EMSY: variants seen among roughly 807,000 people sequenced by gnomAD.
EMSY encodes EMSY transcriptional repressor, BRCA2 interacting.
In EMSY, 26 loss-of-function variants were observed where a neutral mutation model predicts 134.6. The observed-to-expected ratio is 0.19, with a 90% CI of 0.14 to 0.27. EMSY has a LOEUF of 0.27. EMSY is among the 10% of genes least tolerant of loss of function. The pLI, the probability that EMSY is intolerant of heterozygous loss-of-function variation, is 1.00. For missense variants in EMSY, 1,305 were observed against 1,611.4 expected, an observed-to-expected ratio of 0.81 and a Z score of 3.26; for synonymous variants, 579 against 577.8, an observed-to-expected ratio of 1.00 and a Z score of -0.03.
At chr11:76,505,928 C>A (rs1950058998) in intron 9 of EMSY, among the ~76,000 whole-genome samples, 1 of 151,846 alleles carries the variant, frequency 6.6e-6, no homozygotes, top group Non-Finnish European at 1.5e-5. Context: ...CTTTGGTAGG[C>A]CAAGGCGAGA....
At chr11:76,540,943 G>A (rs1324163738) in intron 17 of EMSY, among the ~76,000 whole-genome samples, 2 of 152,212 alleles carry the variant, frequency 1.3e-5, no homozygotes, top group African/African-American at 4.8e-5. Context: ...TTGAAGTTGA[G>A]GCCAAGTGTG....
At chr11:76,537,645 G>A (rs547502639) in intron 15 of EMSY, 150 bp from the exon 17 acceptor site, 1 of 644,516 alleles carries the variant, frequency 1.6e-6, no homozygotes, top group Non-Finnish European at 2.6e-6. Flanking sequence ...GCCATACATA[G>A]CAATCTGCTT....
At chr11:76,501,434 A>G (rs1949852956) in intron 9 of EMSY, among the ~76,000 whole-genome samples, 1 of 152,206 alleles carries the variant, frequency 6.6e-6, no homozygotes, top group African/African-American at 2.4e-5. Context: ...TTATAGAAGT[A>G]AAAGAGGCTA....
chr11:76,528,596 T>A, intron 14 of EMSY, 130 bp downstream of exon 15: 1 of 646,068 alleles, frequency 1.5e-6, no homozygotes, highest in Non-Finnish European at 2.5e-6. Context: ...TTTTTTTTTT[T>A]TTTTTTTATT....
At chr11:76,533,335 G>A (rs1424166771) in intron 14 of EMSY, among the ~76,000 whole-genome samples, 1 of 152,102 alleles carries the variant, frequency 6.6e-6, no homozygotes, top group African/African-American at 2.4e-5. Context: ...GTGGATTAAG[G>A]AAAAGAATTG....
At chr11:76,484,296 C>T (rs1279303641) in intron 8 of EMSY, among the ~76,000 whole-genome samples, 1 of 152,164 alleles carries the variant, frequency 6.6e-6, no homozygotes, top group Non-Finnish European at 1.5e-5. Context: ...CAGGAGAAAG[C>T]AGGAAAGATC....
intron 9 of EMSY, among the ~76,000 whole-genome samples, chr11:76,509,488 G>A (rs141022664): frequency 0.012 from 1,869 of 152,114 alleles, 30 homozygotes; most frequent in African/African-American, 0.041. Flanking sequence ...GCGAGACTCC[G>A]TCTCAAAAAA....
At chr11:76,546,005 C>A (rs752157171) in exon 20 of EMSY, 40 of 1,614,026 alleles carry the variant, frequency 2.5e-5, no homozygotes, top group Non-Finnish European at 3.3e-5. Flanking sequence ...CAGATTGATA[C>A]AAATGTAGAA....
intron 8 of EMSY, among the ~76,000 whole-genome samples, chr11:76,473,352 G>A (rs970568704): frequency 5.9e-5 from 9 of 151,352 alleles, no homozygotes; most frequent in Non-Finnish European, 1.3e-4. Flanking sequence ...TGTCACCCAG[G>A]CTGGAGTGCA....
chr11:76,540,561 A>G (rs1004882654), intron 17 of EMSY, among the ~76,000 whole-genome samples: 3 of 152,258 alleles, frequency 2.0e-5, no homozygotes, highest in African/African-American at 7.2e-5. Flanking sequence ...TATGTATAGC[A>G]ACAATAGAAA....
At chr11:76,543,691 C>T (rs189530852) in intron 18 of EMSY, among the ~76,000 whole-genome samples, 395 of 152,254 alleles carry the variant, frequency 2.6e-3, no homozygotes, top group African/African-American at 9.1e-3. Flanking sequence ...AGCAAAGGGG[C>T]GAGGAATGCT....
At chr11:76,447,823 G>A (rs1271624766) in intron 2 of EMSY, among the ~76,000 whole-genome samples, 1 of 152,048 alleles carries the variant, frequency 6.6e-6, no homozygotes, top group East Asian at 1.9e-4. Context: ...TAGACTATGA[G>A]GACCTTGTCT....
chr11:76,473,515 C>T (rs1321299823), intron 8 of EMSY, among the ~76,000 whole-genome samples: 1 of 151,696 alleles, frequency 6.6e-6, no homozygotes, highest in Non-Finnish European at 1.5e-5. Flanking sequence ...CACCATGTTG[C>T]CCAGGCTGGT....
chr11:76,550,139 G>T (rs756214992), exon 21 of EMSY: 1 of 1,609,856 alleles, frequency 6.2e-7, no homozygotes, highest in Admixed American at 1.7e-5. Flanking sequence ...TCTGCTGAAC[G>T]GTCCTAGTGT....
intron 2 of EMSY, among the ~76,000 whole-genome samples, chr11:76,447,522 T>C (rs776848175): frequency 6.6e-6 from 1 of 152,238 alleles, no homozygotes; most frequent in Non-Finnish European, 1.5e-5. Flanking sequence ...TAAGCCATGC[T>C]CACTTTTTCA....
intron 9 of EMSY, among the ~76,000 whole-genome samples, chr11:76,503,788 T>C (rs1358468618): frequency 1.3e-5 from 2 of 152,140 alleles, no homozygotes; most frequent in Admixed American, 6.5e-5. Context: ...TTCAATTTAA[T>C]TTATTTATTT....
At chr11:76,488,387 A>G (rs1023154847) in intron 8 of EMSY, among the ~76,000 whole-genome samples, 6 of 152,188 alleles carry the variant, frequency 3.9e-5, no homozygotes, top group Non-Finnish European at 8.8e-5. Context: ...GGATTGCTTG[A>G]GCCCAGGATT....
At chr11:76,548,711 G>A (rs1685755602) in intron 20 of EMSY, among the ~76,000 whole-genome samples, 1 of 152,190 alleles carries the variant, frequency 6.6e-6, no homozygotes, top group African/African-American at 2.4e-5. Context: ...GAAAAAAGAA[G>A]CAGAAACAAA....
At chr11:76,523,704 C>CTTATTTTTTTTTT (rs1950731372) in intron 12 of EMSY, among the ~76,000 whole-genome samples, 1 of 80,536 alleles carries the variant, frequency 1.2e-5, no homozygotes, top group African/African-American at 5.2e-5. Context: ...TTGTTACTTT[C>CTTATTTTTTTTTT]TTTTTTTTTT....
Sources: allele counts gnomAD v4.1 joint callset (sites outside exome capture counted in the v4.1 genomes callset), GRCh38; gene constraint gnomAD v4.1.1; transcripts MANE v1.5; gene names NCBI Gene and HGNC (gene_info 2026-07-23, HGNC 2026-07-21).